The following ZMYM5 variants were observed in gnomAD, a reference collection of about 807,000 sequenced individuals.
The protein encoded by ZMYM5 is zinc finger MYM-type protein 5.
Under a neutral mutation model 61.8 loss-of-function variants are expected in ZMYM5, and 41 were observed. That is an observed-to-expected ratio of 0.66 (90% CI 0.52 to 0.86). ZMYM5 has a LOEUF of 0.86. ZMYM5 is among the 40% of genes least tolerant of loss of function. ZMYM5 has a pLI of 0.00. For synonymous variants in ZMYM5, 257 were observed against 276.4 expected (o/e 0.93, Z 0.70); for missense variants, 706 against 786.7 (o/e 0.90, Z 1.23).
At chr13:19,836,791 C>A (rs1209900581) in intron 6 of ZMYM5, among the ~76,000 whole-genome samples, 1 of 152,040 alleles carries the variant, frequency 6.6e-6, no homozygotes, top group African/African-American at 2.4e-5. Context: ...TCAGGGGTAA[C>A]CAACACCAAA....
In ZMYM5 at chr13:19,824,888, T is replaced by C. The variant is rs374442914; in HGVS notation, c.1599A>G (p.Gln533=). 1.0e-5 allele frequency: 14 copies of C among 1,356,930 alleles called. No homozygotes were observed. Among genetic ancestry groups the C allele is most frequent in the Non-Finnish European group, 1.4e-5 (14 of 1,016,190 alleles). The allele number at this position is 1,356,930 out of a possible 1,614,324, so 84.1% of individuals were successfully genotyped here. Reference sequence around the variant, plus strand: ...GAACATTTTCAACAAGAGTGTCCCGTTGTTTAATATTCAAAATTCGGGGCC... The same window carrying C: ...GAACATTTTCAACAAGAGTGTCCCGCTGTTTAATATTCAAAATTCGGGGCC... ...GTWPRILNIK[Q]RDTLVENVPP... is the part of the protein sequence containing the mutation. The change falls in exon 8 of 8, where the codon CAA becomes CAG. Residue 533 remains glutamine, a synonymous_variant. Coordinates refer to ENST00000337963, the MANE Select transcript of ZMYM5 (RefSeq NM_001142684.2).
intron 2 of ZMYM5, among the ~76,000 whole-genome samples, chr13:19,861,872 C>G (rs1164007343): frequency 6.7e-6 from 1 of 148,812 alleles, no homozygotes. Context: ...CCCGAAAAAA[C>G]AAAAACAAAC....
chr13:19,838,135 G>A (rs566762689), intron 5 of ZMYM5, among the ~76,000 whole-genome samples: 6 of 152,280 alleles, frequency 3.9e-5, no homozygotes, highest in African/African-American at 1.2e-4. Flanking sequence ...CCAGCACTTT[G>A]GGAGGCTGAA....
chr13:19,857,982 C>T (rs1373457825), intron 2 of ZMYM5, among the ~76,000 whole-genome samples: 1 of 151,782 alleles, frequency 6.6e-6, no homozygotes, highest in African/African-American at 2.4e-5. Context: ...CACTGCACTC[C>T]AGCCTGGGCA....
chr13:19,835,577 C>T lies in ZMYM5; in HGVS notation c.1151G>A (p.Gly384Glu). The T allele has an allele frequency of 7.3e-7, 1 of 1,367,672 alleles. No individual in the cohort carries two copies. Among genetic ancestry groups the T allele is most frequent in the South Asian group, 1.1e-5 (1 of 88,042 alleles). The allele number at this position is 1,367,672 out of a possible 1,614,324, so 84.7% of individuals were successfully genotyped here. The change falls in exon 7 of 8, where the codon GGA becomes GAA. Residue 384 changes from glycine to glutamate, a missense_variant. By Grantham distance (98) the Gly-to-Glu change is moderately conservative. Coordinates refer to ENST00000337963, the MANE Select transcript of ZMYM5 (RefSeq NM_001142684.2). ...AGTACTCTTACTAGGCATGTACTCT[C>T]CACAGTGTTCACAGCAGTTCATTAT... ...GLIMNCCEHC[G>E]EYMPSKSTGN...
intron 4 of ZMYM5, among the ~76,000 whole-genome samples, chr13:19,848,551 T>C (rs1370949657): frequency 2.0e-5 from 3 of 151,818 alleles, no homozygotes; most frequent in African/African-American, 7.3e-5. Flanking sequence ...TTGTTTTTTT[T>C]TGAGACAAGT....
chr13:19,847,292 C>A (rs2138586192), intron 4 of ZMYM5, among the ~76,000 whole-genome samples: 1 of 152,178 alleles, frequency 6.6e-6, no homozygotes, highest in African/African-American at 2.4e-5. Flanking sequence ...ATTGTAACAA[C>A]CTCGAAAACT....
At position 19,824,324 on chromosome 13, in the gene ZMYM5, C is replaced by T; in HGVS notation, c.*153G>A. 2.3e-6 allele frequency: 1 copy of T among 433,976 alleles called. No homozygotes were observed. Among genetic ancestry groups the T allele is most frequent in the Non-Finnish European group, 3.2e-6 (1 of 315,934 alleles). The allele number at this position is 433,976 out of a possible 1,614,324, so 26.9% of individuals were successfully genotyped here. A position where few individuals can be genotyped will look rare whatever the true frequency, so the allele number is the denominator to read the frequency against. ...AGATTTAGAATGGAAACATTCTTTGCTATTTATTTGCTATCATACTTATTG... is the reference window on the plus strand; with the variant it reads ...AGATTTAGAATGGAAACATTCTTTGTTATTTATTTGCTATCATACTTATTG... On this transcript the variant is annotated 3_prime_UTR_variant, in exon 8 of 8. Transcript: ENST00000337963.
intron 4 of ZMYM5, among the ~76,000 whole-genome samples, chr13:19,840,726 G>C (rs1465625741): frequency 1.3e-5 from 2 of 151,388 alleles, no homozygotes; most frequent in Non-Finnish European, 2.9e-5. Flanking sequence ...GCCCAGGCTG[G>C]AGTGCAGTGG....
intron 7 of ZMYM5, among the ~76,000 whole-genome samples, chr13:19,831,774 A>C (rs111796019): frequency 0.097 from 10,372 of 106,856 alleles, 594 homozygotes; most frequent in African/African-American, 0.15. Context: ...GGTGACAGAG[A>C]GAGACTCTGT....
chr13:19,851,618 G>GT (rs1953299326), intron 3 of ZMYM5, 71 bp downstream of exon 3: 1 of 1,535,900 alleles, frequency 6.5e-7, no homozygotes, highest in Non-Finnish European at 8.8e-7. Flanking sequence ...TTCTAAGGTT[G>GT]TAACATTAGT....
intron 4 of ZMYM5, chr13:19,843,334 T>G (rs1304617814): frequency 2.6e-5 from 3 of 117,176 alleles, no homozygotes; most frequent in African/African-American, 1.0e-4. Flanking sequence ...GAGGTAGAGG[T>G]TGCAGTGAGC....
At chr13:19,839,204 G>A (rs1021679582) in intron 4 of ZMYM5, among the ~76,000 whole-genome samples, 10 of 152,066 alleles carry the variant, frequency 6.6e-5, no homozygotes, top group African/African-American at 2.2e-4. Context: ...TAAAGTAAAT[G>A]TTGGCGTCTG....
At chr13:19,845,238 T>C (rs980953809) in intron 4 of ZMYM5, among the ~76,000 whole-genome samples, 10 of 152,210 alleles carry the variant, frequency 6.6e-5, no homozygotes, top group African/African-American at 2.4e-4. Flanking sequence ...GGTTTTATAG[T>C]CTACTTGTAT....
At chr13:19,840,683 T>G (rs114422353) in intron 4 of ZMYM5, among the ~76,000 whole-genome samples, 1,831 of 151,764 alleles carry the variant, frequency 0.012, 38 homozygotes, top group African/African-American at 0.04. Flanking sequence ...CACTTTTTTT[T>G]TTTAATTTTT....
chr13:19,862,072 T>C (rs1030650770), intron 2 of ZMYM5, among the ~76,000 whole-genome samples: 2 of 152,158 alleles, frequency 1.3e-5, no homozygotes, highest in Non-Finnish European at 2.9e-5. Context: ...GATTATTCAG[T>C]AGTGTTTCTT....
At chr13:19,838,175 G>A (rs1487867919) in intron 5 of ZMYM5, among the ~76,000 whole-genome samples, 4 of 152,104 alleles carry the variant, frequency 2.6e-5, no homozygotes, top group East Asian at 1.9e-4. Context: ...TCAGGAGTTC[G>A]AGACCAGCCT....
intron 6 of ZMYM5, chr13:19,837,388 A>G: frequency 4.2e-6 from 6 of 1,429,672 alleles, no homozygotes; most frequent in African/African-American, 1.5e-5. Context: ...GTCATCAGTA[A>G]TAACAAAATC....
At chr13:19,837,571 G>C in intron 6 of ZMYM5, 85 bp downstream of exon 6, 1 of 1,609,002 alleles carries the variant, frequency 6.2e-7, no homozygotes, top group Non-Finnish European at 8.5e-7. Flanking sequence ...CGTGCATTAT[G>C]TAGATGAAAG....
Sources: gnomAD v4.1 joint callset for allele counts (sites outside exome capture counted in the v4.1 genomes callset) on GRCh38, gnomAD v4.1.1 for gene constraint, MANE v1.5 for transcripts, NCBI Gene and HGNC (gene_info 2026-07-23, HGNC 2026-07-21) for gene names.